Variants in DCDC2C observed in about 807,000 individuals in gnomAD.
The protein encoded by DCDC2C is doublecortin domain-containing protein 2C.
In DCDC2C, 44 loss-of-function variants were observed where a neutral mutation model predicts 45.0. That is an observed-to-expected ratio of 0.98 (90% CI 0.77 to 1.26). DCDC2C has a LOEUF of 1.26. DCDC2C is among the 50% of genes most tolerant of loss of function. The pLI is 0.00. For missense variants in DCDC2C, 447 were observed against 468.9 expected, an observed-to-expected ratio of 0.95 and a Z score of 0.43; for synonymous variants, 187 against 178.8, an observed-to-expected ratio of 1.05 and a Z score of -0.37.
chr2:3,758,666 G>T (rs1328732430), intron 6 of DCDC2C, among the ~76,000 whole-genome samples: 1 of 152,158 alleles, frequency 6.6e-6, no homozygotes, highest in Non-Finnish European at 1.5e-5. Flanking sequence ...AGGTGCTTCA[G>T]GCAACAAGGG....
chr2:3,813,060 TATATATA>T (rs373528019), intron 10 of DCDC2C, among the ~76,000 whole-genome samples: 17,475 of 76,176 alleles, frequency 0.23, 1,594 homozygotes, highest in Middle Eastern at 0.29. Flanking sequence ...TATATATATA[TATATATA>T]TTTTTTTTTT....
chr2:3,728,870 C>A lies in DCDC2C; in HGVS notation c.416+1791C>A, dbSNP rs181904005. Among the ~76,000 whole-genome samples the A allele has an allele frequency of 1.8e-4, 28 of 152,230 alleles. 1 individual carries two copies. In the East Asian group the frequency reaches 3.3e-3, roughly 18 times the overall value. ...AGCAGCCAGATGCTGGAGAGAGAGC[C>A]CGGGGCTCCCCTGATGGGGTCACCG... On this transcript the variant is annotated intron_variant, in intron 3 of 10. Coordinates refer to ENST00000399143, the MANE Select transcript of DCDC2C (RefSeq NM_001287444.2).
chr2:3,798,562 C>A (rs879299541), intron 10 of DCDC2C, among the ~76,000 whole-genome samples: 1 of 148,680 alleles, frequency 6.7e-6, no homozygotes, highest in African/African-American at 2.4e-5. Context: ...TTAGGGCAGG[C>A]CTGGTGGTGA....
chr2:3,704,708 GA>G (rs1454079716), intron 1 of DCDC2C, among the ~76,000 whole-genome samples: 2 of 51,382 alleles, frequency 3.9e-5, no homozygotes, highest in Non-Finnish European at 7.1e-5. Context: ...AGGGGAGGGG[GA>G]GGGGGGAGGG....
intron 3 of DCDC2C, among the ~76,000 whole-genome samples, chr2:3,727,811 CT>C (rs1193859551): frequency 1.3e-5 from 2 of 152,208 alleles, no homozygotes; most frequent in Admixed American, 6.5e-5. Flanking sequence ...CTGAGGATGT[CT>C]CCCATTGTGG....
chr2:3,728,533 T>G (rs1463147212), intron 3 of DCDC2C, among the ~76,000 whole-genome samples: 1 of 152,142 alleles, frequency 6.6e-6, no homozygotes, highest in Non-Finnish European at 1.5e-5. Context: ...TGATCCTCAC[T>G]CACTGGACAG....
intron 3 of DCDC2C, among the ~76,000 whole-genome samples, chr2:3,735,273 T>C (rs1258990558): frequency 6.6e-6 from 1 of 151,936 alleles, no homozygotes; most frequent in Non-Finnish European, 1.5e-5. Flanking sequence ...ATTTTTTTAT[T>C]ATTATTATAC....
chr2:3,750,946 C>T (rs1669526189), intron 4 of DCDC2C, among the ~76,000 whole-genome samples: 2 of 152,194 alleles, frequency 1.3e-5, no homozygotes, highest in South Asian at 4.1e-4. Flanking sequence ...GGGCATTCCT[C>T]AGTTTTACCT....
chr2:3,811,680 A>C (rs1488371845), intron 10 of DCDC2C, among the ~76,000 whole-genome samples: 1 of 152,186 alleles, frequency 6.6e-6, no homozygotes, highest in African/African-American at 2.4e-5. Flanking sequence ...AAATGCTTCC[A>C]GCTTTTGCCC....
At chr2:3,740,627 A>C (rs530695641) in intron 3 of DCDC2C, among the ~76,000 whole-genome samples, 1 of 152,184 alleles carries the variant, frequency 6.6e-6, no homozygotes, top group Non-Finnish European at 1.5e-5. Context: ...GCAAATCTTT[A>C]TTGTAATTGT....
At chr2:3,794,232 T>C in intron 10 of DCDC2C, among the ~76,000 whole-genome samples, 1 of 152,246 alleles carries the variant, frequency 6.6e-6, no homozygotes, top group East Asian at 1.9e-4. Flanking sequence ...ACACATTTAA[T>C]TATACAATAC....
chr2:3,744,539 G>T (rs13390246), intron 4 of DCDC2C, among the ~76,000 whole-genome samples: 9,709 of 152,268 alleles, frequency 0.064, 418 homozygotes, highest in Non-Finnish European at 0.096. Flanking sequence ...GGAAAACGCC[G>T]TGCAGCAAGG....
intron 10 of DCDC2C, among the ~76,000 whole-genome samples, chr2:3,789,572 T>G (rs1225009582): frequency 6.6e-6 from 1 of 152,224 alleles, no homozygotes; most frequent in East Asian, 1.9e-4. Flanking sequence ...ATACTTTGCC[T>G]TTTTCCAATT....
At chr2:3,831,438 C>A (rs951127812) in intron 10 of DCDC2C, among the ~76,000 whole-genome samples, 1 of 152,188 alleles carries the variant, frequency 6.6e-6, no homozygotes, top group Non-Finnish European at 1.5e-5. Context: ...AATGACCGTA[C>A]TGAATAACAT....
chr2:3,841,872 GTTTAAGC>G (rs1166939545), intron 10 of DCDC2C, among the ~76,000 whole-genome samples: 1 of 151,408 alleles, frequency 6.6e-6, no homozygotes, highest in Non-Finnish European at 1.5e-5. Context: ...TTTTTTTTCT[GTTTAAGC>G]TTTTATGTGA....
At position 3,841,499 on chromosome 2, in the gene DCDC2C, G is replaced by A. The variant is rs116535199; in HGVS notation, c.1066-5655G>A. Among the ~76,000 whole-genome samples, 1,009 of 139,800 alleles carry A rather than the reference G, an allele frequency of 7.2e-3. 7 individuals are homozygous for A. The highest frequency in any genetic ancestry group is 0.026 in the African/African-American group (968 of 37,156). 91.7% of individuals were successfully genotyped at this position (139,800 alleles called of 152,430 possible). On this transcript the variant is annotated intron_variant, in intron 10 of 10. Transcript: ENST00000399143. ...CACATTCTAATTTTATGTGTTTTTG[G>A]GAGTGCTTATGTGTGGGACTAGCAG...
chr2:3,726,852 G>A (rs1668703125), intron 2 of DCDC2C, among the ~76,000 whole-genome samples, 151 bp from the exon 3 acceptor site: 1 of 151,988 alleles, frequency 6.6e-6, no homozygotes, highest in Non-Finnish European at 1.5e-5. Context: ...GCCTCTCTCT[G>A]CATCCTTCCT....
intron 10 of DCDC2C, among the ~76,000 whole-genome samples, chr2:3,827,183 C>A (rs1378454175): frequency 6.6e-6 from 1 of 152,146 alleles, no homozygotes; most frequent in Non-Finnish European, 1.5e-5. Flanking sequence ...ATTAAATTAA[C>A]CCTGAGGGGA....
chr2:3,711,580 G>T (rs934433686), intron 2 of DCDC2C, among the ~76,000 whole-genome samples: 1 of 152,174 alleles, frequency 6.6e-6, no homozygotes, highest in Non-Finnish European at 1.5e-5. Flanking sequence ...CATAGAGTGA[G>T]TGCCCAGCAA....
Sources: gnomAD v4.1 joint callset for allele counts (sites outside exome capture counted in the v4.1 genomes callset) on GRCh38, gnomAD v4.1.1 for gene constraint, MANE v1.5 for transcripts, NCBI Gene and HGNC (gene_info 2026-07-23, HGNC 2026-07-21) for gene names.